Variants in RYR2 observed in about 807,000 individuals in gnomAD.
RYR2 encodes the protein cardiac muscle ryanodine receptor-calcium release channel.
Under a neutral mutation model 601.1 loss-of-function variants are expected in RYR2, and 227 were observed. That is an observed-to-expected ratio of 0.38 (90% CI 0.34 to 0.42). The LOEUF (loss-of-function observed/expected upper bound fraction) is 0.42, where lower values mean the gene tolerates loss of function less well. Among genes scored for constraint, RYR2 ranks in the 10% least tolerant of loss-of-function variants. The pLI is 1.00. For synonymous variants in RYR2, 2,223 were observed against 2,175.1 expected, an observed-to-expected ratio of 1.02 and a Z score of -0.61; for missense variants, 4,646 against 6,156.5, an observed-to-expected ratio of 0.75 and a Z score of 8.21.
chr1:237,671,742 G>A (rs1215819052), intron 58 of RYR2, among the ~76,000 whole-genome samples: 1 of 151,788 alleles, frequency 6.6e-6, no homozygotes, highest in Non-Finnish European at 1.5e-5. Context: ...GTGCTCTTTT[G>A]GAATCTAGAA....
Position 237,456,878 on chromosome 1 carries a change from A to G in RYR2, c.1612+143A>G, listed in dbSNP as rs1658896705. ...GATCATTTGAGGCCAGGAATTTGAG[A>G]CCAGCCTGGACAACATAGCAAGACC... On this transcript the variant is annotated intron_variant, in intron 16 of 104. Coordinates refer to ENST00000366574, the MANE Select transcript of RYR2 (RefSeq NM_001035.3). 6 of 841,254 alleles carry G rather than the reference A, an allele frequency of 7.1e-6. No homozygotes were observed. In the South Asian group the frequency reaches 1.5e-4, roughly 22 times the overall value. 52.1% of individuals were successfully genotyped at this position (841,254 alleles called of 1,614,324 possible).
At chr1:237,268,952 A>AAAACAAC (rs956218924) in intron 1 of RYR2, among the ~76,000 whole-genome samples, 3 of 148,144 alleles carry the variant, frequency 2.0e-5, no homozygotes, top group Non-Finnish European at 3.0e-5. Context: ...AAAAAAAAAA[A>AAAACAAC]AAAAAAAAAG....
intron 29 of RYR2, 36 bp downstream of exon 29, chr1:237,569,355 G>T: frequency 6.3e-7 from 1 of 1,591,800 alleles, no homozygotes; most frequent in Non-Finnish European, 8.6e-7. Flanking sequence ...TTTTAAGTTT[G>T]CAGCACAAGG....
At chr1:237,298,757 T>TG (rs1693060466) in intron 2 of RYR2, among the ~76,000 whole-genome samples, 1 of 152,160 alleles carries the variant, frequency 6.6e-6, no homozygotes, top group African/African-American at 2.4e-5. Flanking sequence ...CCCAGCACTT[T>TG]GGGGGGCTGA....
At chr1:237,092,559 T>C (rs1028343733) in intron 1 of RYR2, among the ~76,000 whole-genome samples, 6 of 150,384 alleles carry the variant, frequency 4.0e-5, no homozygotes, top group Admixed American at 2.7e-4. Flanking sequence ...AGTCTCACTG[T>C]CTCTCTGTTG....
intron 10 of RYR2, among the ~76,000 whole-genome samples, chr1:237,402,854 TCAC>T (rs1703489788): frequency 6.7e-6 from 1 of 149,528 alleles, no homozygotes; most frequent in Non-Finnish European, 1.5e-5. Context: ...AAATCATGGC[TCAC>T]TGCAGCCTCG....
At chr1:237,418,035 A>T (rs904879670) in intron 11 of RYR2, among the ~76,000 whole-genome samples, 14 of 151,474 alleles carry the variant, frequency 9.2e-5, no homozygotes, top group Admixed American at 7.9e-4. Context: ...AACTATATTT[A>T]ATTAATTAAT....
At chr1:237,126,166 G>A (rs1299178112) in intron 1 of RYR2, among the ~76,000 whole-genome samples, 1 of 151,926 alleles carries the variant, frequency 6.6e-6, no homozygotes, top group Non-Finnish European at 1.5e-5. Context: ...GAACCAGGGA[G>A]GCAGAGGTTG....
chr1:237,790,079 C>A (rs1162846693), intron 92 of RYR2, among the ~76,000 whole-genome samples: 1 of 152,108 alleles, frequency 6.6e-6, no homozygotes, highest in Non-Finnish European at 1.5e-5. Context: ...TGGTAAATCC[C>A]CTGACATATC....
At chr1:237,452,499 GTATAACAAATATATAATA>G (rs2150207223) in intron 14 of RYR2, among the ~76,000 whole-genome samples, 1 of 141,968 alleles carries the variant, frequency 7.0e-6, no homozygotes, top group African/African-American at 2.5e-5. Flanking sequence ...TATATATAAT[GTATAACAAATATATAATA>G]TATAATAAAT....
intron 2 of RYR2, among the ~76,000 whole-genome samples, chr1:237,323,154 GC>G (rs1023429281): frequency 6.6e-6 from 1 of 152,122 alleles, no homozygotes; most frequent in African/African-American, 2.4e-5. Flanking sequence ...GGTATGTGGA[GC>G]TTTTATTGAG....
At chr1:237,240,481 T>A (rs653351) in intron 1 of RYR2, among the ~76,000 whole-genome samples, 135,461 of 152,056 alleles carry the variant, frequency 0.89, 61,656 homozygotes, top group East Asian at 1. Context: ...TGGTCCTGTT[T>A]CTCACTGGCT....
intron 1 of RYR2, among the ~76,000 whole-genome samples, chr1:237,163,513 G>A (rs1039867915): frequency 6.6e-6 from 1 of 152,012 alleles, no homozygotes; most frequent in Non-Finnish European, 1.5e-5. Flanking sequence ...TGTTTATTTG[G>A]ATGCACACAT....
intron 12 of RYR2, among the ~76,000 whole-genome samples, chr1:237,439,762 ACTT>A (rs1169655197): frequency 2.0e-5 from 3 of 152,186 alleles, no homozygotes; most frequent in South Asian, 2.1e-4. Flanking sequence ...TGTTTACGTG[ACTT>A]CTTAATATAT....
chr1:237,614,779 A>G lies in RYR2; in HGVS notation c.5651A>G (p.Lys1884Arg), dbSNP rs1170663653. Residue 1884 changes from lysine to arginine, a missense_variant, in exon 37 of 105, where the codon AAG becomes AGG. Lys to Arg is a conservative substitution (Grantham distance 26). Transcript: ENST00000366574. This position sits in a 1 kb window ranked among gnomAD's most constrained non-coding sequence, Gnocchi z 4.3. ...KLQGAGEEEA[K>R]GGKRPKEGLL... ...CAAGGAGCTGGTGAGGAAGAAGCCAAGGGGGGCAAGCGGCCCAAGGAAGGC... is the reference window on the plus strand; with the variant it reads ...CAAGGAGCTGGTGAGGAAGAAGCCAGGGGGGGCAAGCGGCCCAAGGAAGGC... 1.2e-6 allele frequency: 2 copies of G among 1,610,684 alleles called. No individual in the cohort carries two copies. The highest frequency in any genetic ancestry group is 8.5e-7 in the Non-Finnish European group (1 of 1,177,476).
intron 1 of RYR2, among the ~76,000 whole-genome samples, chr1:237,201,512 GC>G (rs1398796598): frequency 3.3e-5 from 5 of 152,138 alleles, no homozygotes; most frequent in Admixed American, 6.5e-5. Flanking sequence ...TGGGTAGGAT[GC>G]TTTTCTTCTA....
intron 70 of RYR2, among the ~76,000 whole-genome samples, chr1:237,711,099 C>T (rs1156837085): frequency 6.6e-6 from 1 of 152,128 alleles, no homozygotes; most frequent in Non-Finnish European, 1.5e-5. Context: ...AGGTACAAGA[C>T]TAAAGTTTGG....
chr1:237,200,840 C>T (rs927122760), intron 1 of RYR2, among the ~76,000 whole-genome samples: 14 of 152,128 alleles, frequency 9.2e-5, no homozygotes, highest in Non-Finnish European at 1.6e-4. Flanking sequence ...AATTTTCCAT[C>T]GATTGCTAAA....
chr1:237,830,281 C>T (rs1663627208), intron 102 of RYR2: 1 of 370,072 alleles, frequency 2.7e-6, no homozygotes, highest in Admixed American at 4.2e-5. Context: ...CAGCCATCAT[C>T]ATCATCATCT....
Sources: allele counts gnomAD v4.1 joint callset (sites outside exome capture counted in the v4.1 genomes callset), GRCh38; gene constraint gnomAD v4.1.1; non-coding constraint Gnocchi (gnomAD v3.1); transcripts MANE v1.5; gene names NCBI Gene and HGNC (gene_info 2026-07-23, HGNC 2026-07-21).